Variants in AGAP1 observed in about 807,000 individuals in gnomAD.
The protein encoded by AGAP1 is ArfGAP with GTPase domain, ankyrin repeat and PH domain 1, also known as arf-GAP with GTPase, ANK repeat and PH domain-containing protein 1.
Under a neutral mutation model 105.3 loss-of-function variants are expected in AGAP1, and 29 were observed. The ratio of observed to expected loss-of-function variants is 0.28; its 90% CI spans 0.21 to 0.38. The LOEUF is 0.38. AGAP1 is among the 10% of genes least tolerant of loss of function. AGAP1 has a pLI of 1.00. For missense variants in AGAP1, 998 were observed against 1,165.1 expected (o/e 0.86, Z 2.09); for synonymous variants, 509 against 485.9 (o/e 1.05, Z -0.63).
At chr2:235,629,863 C>CAA (rs10691632) in intron 1 of AGAP1, among the ~76,000 whole-genome samples, 34,844 of 95,272 alleles carry the variant, frequency 0.37, 6,603 homozygotes, top group South Asian at 0.49. Flanking sequence ...GACCCTGTCT[C>CAA]AAAAAAAAAA....
At chr2:235,909,178 T>C (rs536061698) in intron 11 of AGAP1, among the ~76,000 whole-genome samples, 16 of 152,326 alleles carry the variant, frequency 1.1e-4, no homozygotes, top group African/African-American at 3.8e-4. Flanking sequence ...GAAGTTAACA[T>C]GTGAACTGGG....
intron 9 of AGAP1, among the ~76,000 whole-genome samples, chr2:235,878,156 A>T (rs2049839084): frequency 6.6e-6 from 1 of 152,108 alleles, no homozygotes; most frequent in Admixed American, 6.5e-5. Context: ...GGATCCTAAG[A>T]TCCATAGGAG....
Position 235,609,899 on chromosome 2 carries a change from A to C in AGAP1, c.164-99280A>C, listed in dbSNP as rs1217699046. 6.6e-6 allele frequency among the ~76,000 whole-genome samples: 1 copy of C among 152,060 alleles called. No homozygotes were observed. Among genetic ancestry groups the C allele is most frequent in the Admixed American group, 6.5e-5 (1 of 15,268 alleles). On this transcript the variant is annotated intron_variant, in intron 1 of 17. Transcript: ENST00000304032. This position sits in a 1 kb window ranked among gnomAD's most constrained non-coding sequence, Gnocchi z 5.1. ...TGGAGTCTTGCTCGCCAGGTGCATG[A>C]GGTGAAGTCACTGGGCTGGGTGCAG...
chr2:236,052,181 G>A (rs1191179570), intron 16 of AGAP1, among the ~76,000 whole-genome samples: 2 of 152,146 alleles, frequency 1.3e-5, no homozygotes, highest in African/African-American at 4.8e-5. Flanking sequence ...GAAAAGCCAA[G>A]TGCAATATAT....
chr2:235,952,883 A>G (rs2053798010), intron 12 of AGAP1, among the ~76,000 whole-genome samples: 1 of 152,176 alleles, frequency 6.6e-6, no homozygotes. Context: ...AGTGGAACCC[A>G]AGCCCTCAAA....
Position 235,563,085 on chromosome 2 carries a change from C to T in AGAP1, c.163+68236C>T, listed in dbSNP as rs552788170. Among the ~76,000 whole-genome samples the T allele has an allele frequency of 1.1e-3, 166 of 152,214 alleles. 1 individual carries two copies. The highest frequency in any genetic ancestry group is 3.3e-3 in the South Asian group (16 of 4,820). On this transcript the variant is annotated intron_variant, in intron 1 of 17. Coordinates refer to ENST00000304032, the MANE Select transcript of AGAP1 (RefSeq NM_001037131.3). The stretch of plus-strand genomic sequence containing the variant: ...TAAAATAAAATAAAATAAGTACAGT[C>T]GCTTTGCCCTGGGGCTGCTGTGGGG...
chr2:235,746,427 G>C (rs186222576), intron 5 of AGAP1, among the ~76,000 whole-genome samples: 2 of 97,606 alleles, frequency 2.0e-5, no homozygotes, highest in African/African-American at 8.1e-5. Flanking sequence ...GTACGTGGTC[G>C]CTCTCACTCC....
Position 235,930,616 on chromosome 2 carries a change from G to T in AGAP1, c.1325-149G>T. 1.4e-6 allele frequency: 1 copy of T among 709,006 alleles called. No homozygotes were observed. Among genetic ancestry groups the T allele is most frequent in the Non-Finnish European group, 2.3e-6 (1 of 442,332 alleles). 43.9% of individuals were successfully genotyped at this position (709,006 alleles called of 1,614,324 possible). On this transcript the variant is annotated intron_variant, in intron 11 of 17. Coordinates refer to ENST00000304032, the MANE Select transcript of AGAP1 (RefSeq NM_001037131.3). This position sits in a 1 kb window ranked among gnomAD's most constrained non-coding sequence, Gnocchi z 7.9. ...ATTCCTCCCGAATAGTTTCTGTCTG[G>T]CGCTTCCGTTTGCCATGCAGGCAGG...
intron 1 of AGAP1, among the ~76,000 whole-genome samples, chr2:235,687,925 G>A (rs1277375098): frequency 2.3e-5 from 2 of 87,144 alleles, no homozygotes; most frequent in East Asian, 8.3e-4. Flanking sequence ...TTTTTGAGAT[G>A]GAGTCTCACT....
chr2:235,683,585 G>A lies in AGAP1; in HGVS notation c.164-25594G>A, dbSNP rs182782557. 2.2e-4 allele frequency among the ~76,000 whole-genome samples: 34 copies of A among 151,566 alleles called. 1 individual carries two copies. The East Asian group carries it at 6.6e-3, about 29-fold the overall frequency. On this transcript the variant is annotated intron_variant, in intron 1 of 17. Coordinates refer to ENST00000304032, the MANE Select transcript of AGAP1 (RefSeq NM_001037131.3). ...CTAAATGTAAGTTTGTAAAATTTAG[G>A]AATAACTTGTTAGAAAGGTGAAGAA...
rs1445505760 is a variant in AGAP1 at position 235,569,939 on chromosome 2, G to C, written c.163+75090G>C. On this transcript the variant is annotated intron_variant, in intron 1 of 17. Coordinates refer to ENST00000304032, the MANE Select transcript of AGAP1 (RefSeq NM_001037131.3). The surrounding 1 kb of genome is among the most constrained non-coding windows in gnomAD (Gnocchi z 5.9). ...TATAGAATTGAACACGAAAACCAGA[G>C]TTGTATATCTAAGGAAAACATGGTG... is the stretch of plus-strand genomic sequence containing the variant. 1.3e-5 allele frequency among the ~76,000 whole-genome samples: 2 copies of C among 152,210 alleles called. No homozygotes were observed. The highest frequency in any genetic ancestry group is 1.3e-4 in the Admixed American group (2 of 15,282).
chr2:235,767,720 C>T (rs543818858), intron 6 of AGAP1, among the ~76,000 whole-genome samples: 10 of 149,540 alleles, frequency 6.7e-5, no homozygotes, highest in Admixed American at 2.7e-4. Context: ...GGGCACAGCA[C>T]GGATGGGATT....
chr2:235,500,881 C>T (rs769093231), intron 1 of AGAP1, among the ~76,000 whole-genome samples: 2 of 152,154 alleles, frequency 1.3e-5, no homozygotes, highest in African/African-American at 2.4e-5. Flanking sequence ...CCCATGGCGG[C>T]CTGGGCAGGA....
chr2:235,558,381 C>T (rs552235156), intron 1 of AGAP1, among the ~76,000 whole-genome samples: 2 of 152,228 alleles, frequency 1.3e-5, no homozygotes, highest in African/African-American at 4.8e-5. Flanking sequence ...CCCTGTCTCC[C>T]AGCATCTCTG....
In AGAP1 at chr2:235,625,775, G is replaced by A. The variant is rs1213713560; in HGVS notation, c.164-83404G>A. Reference sequence around the variant, plus strand: ...ACTTTTCATTGTAATCATGGCTCAGGTTTCTAAGAGAAAATTAAAATAATT... The same window carrying A: ...ACTTTTCATTGTAATCATGGCTCAGATTTCTAAGAGAAAATTAAAATAATT... On this transcript the variant is annotated intron_variant, in intron 1 of 17. Transcript: ENST00000304032. The surrounding 1 kb of genome is among the most constrained non-coding windows in gnomAD (Gnocchi z 4.0). 6.6e-6 allele frequency among the ~76,000 whole-genome samples: 1 copy of A among 152,128 alleles called. No individual in the cohort carries two copies. Among genetic ancestry groups the A allele is most frequent in the Non-Finnish European group, 1.5e-5 (1 of 68,034 alleles).
rs781311860 is a variant in AGAP1, at chr2:235,610,068, T to C, written c.164-99111T>C. On this transcript the variant is annotated intron_variant, in intron 1 of 17. Coordinates refer to ENST00000304032, the MANE Select transcript of AGAP1 (RefSeq NM_001037131.3). This position sits in a 1 kb window ranked among gnomAD's most constrained non-coding sequence, Gnocchi z 4.9. ...GCTTTTCCTGCATTTGCCCCAACTC[T>C]GTGCAGGGCCAGCACTTTTAGCTCC... 1.1e-4 allele frequency among the ~76,000 whole-genome samples: 16 copies of C among 152,156 alleles called. No individual in the cohort carries two copies. The highest frequency in any genetic ancestry group is 6.5e-5 in the Admixed American group (1 of 15,286).
In AGAP1 at chr2:235,578,734, G is replaced by A. The variant is rs1046853201; in HGVS notation, c.163+83885G>A. 2.0e-5 allele frequency among the ~76,000 whole-genome samples: 3 copies of A among 148,492 alleles called. No individual in the cohort carries two copies. The highest frequency in any genetic ancestry group is 3.0e-5 in the Non-Finnish European group (2 of 67,688). On this transcript the variant is annotated intron_variant, in intron 1 of 17. Coordinates refer to ENST00000304032, the MANE Select transcript of AGAP1 (RefSeq NM_001037131.3). This position sits in a 1 kb window ranked among gnomAD's most constrained non-coding sequence, Gnocchi z 4.9. Reference sequence around the variant, plus strand: ...CAGGAGGCGGAGGTTGCAGTAAGCCGACATTGTGCCACTGCACTCCAGCCT... The same window carrying A: ...CAGGAGGCGGAGGTTGCAGTAAGCCAACATTGTGCCACTGCACTCCAGCCT...
At chr2:235,669,686 C>T (rs1948266818) in intron 1 of AGAP1, 2 of 148,896 alleles carry the variant, frequency 1.3e-5, no homozygotes, top group African/African-American at 4.9e-5. Flanking sequence ...CCGCGCGTCC[C>T]GGAGCCCAGG....
chr2:236,095,167 C>T lies in AGAP1; in HGVS notation c.2115-25025C>T, dbSNP rs999025091. 2.6e-5 allele frequency among the ~76,000 whole-genome samples: 4 copies of T among 151,962 alleles called. No homozygotes were observed. Among genetic ancestry groups the T allele is most frequent in the Admixed American group, 1.3e-4 (2 of 15,232 alleles). ...ATTCCAACACTTCGGGAGGCCAAGG[C>T]GGGTGGATTGCTTGAGCTCAGGAGT... On this transcript the variant is annotated intron_variant, in intron 16 of 17. Transcript: ENST00000304032. The surrounding 1 kb of genome is among the most constrained non-coding windows in gnomAD (Gnocchi z 4.1).
Sources: allele counts gnomAD v4.1 joint callset (sites outside exome capture counted in the v4.1 genomes callset), GRCh38; gene constraint gnomAD v4.1.1; non-coding constraint Gnocchi (gnomAD v3.1); transcripts MANE v1.5; gene names NCBI Gene and HGNC (gene_info 2026-07-23, HGNC 2026-07-21).